ACTN3: variants seen among roughly 807,000 people sequenced by gnomAD.
ACTN3 encodes alpha-actinin-3.
Under a neutral mutation model 119.6 loss-of-function variants are expected in ACTN3, and 91 were observed. The observed-to-expected ratio is 0.76, with a 90% confidence interval of 0.64 to 0.91. ACTN3 has a LOEUF of 0.91. Among genes scored for constraint, ACTN3 ranks in the 40% least tolerant of loss-of-function variants. The pLI is 0.00. For missense variants in ACTN3, 1,221 were observed against 1,215.1 expected (o/e 1.00, Z -0.07); for synonymous variants, 456 against 478.8 (o/e 0.95, Z 0.62).
Position 66,561,262 on chromosome 11 carries a change from G to T in ACTN3, c.1896G>T (p.Leu632=). 6.3e-7 allele frequency: 1 copy of T among 1,599,612 alleles called. No homozygotes were observed. Among genetic ancestry groups the T allele is most frequent in the Non-Finnish European group, 8.5e-7 (1 of 1,174,294 alleles). Residue 632 remains leucine, a synonymous_variant, in exon 16 of 21, where the codon CTG becomes CTT. Coordinates refer to ENST00000513398, the MANE Select transcript of ACTN3 (RefSeq NM_001104.4). The part of the protein sequence containing the change: ...RKLVPSCDQT[L]QEELARQQVN... ...TGGTGCCCAGCTGTGACCAGACACT[G>T]CAGGAGGAGCTGGCACGGCAGCAGG...
chr11:66,556,089 T>C (rs950747758), intron 7 of ACTN3, 56 bp from the exon 8 acceptor site: 1 of 1,508,734 alleles, frequency 6.6e-7, no homozygotes, highest in African/African-American at 1.4e-5. Context: ...GAGAGTTCTC[T>C]GCCTGGGGAG....
At chr11:66,552,874 TCTCTCTCACACACACA>T (rs1475669095) in intron 3 of ACTN3, among the ~76,000 whole-genome samples, 73 of 74,620 alleles carry the variant, frequency 9.8e-4, no homozygotes, top group African/African-American at 4.7e-3. Flanking sequence ...TCTCTCTCTC[TCTCTCTCACACACACA>T]CACACACACA....
rs1187821830 is a variant in ACTN3 at position 66,560,973 on chromosome 11, G to A, written c.1860+218G>A. Among the ~76,000 whole-genome samples the A allele has an allele frequency of 2.6e-5, 4 of 152,302 alleles. No individual in the cohort carries two copies. The East Asian group carries it at 5.8e-4, about 22-fold the overall frequency. ...ATTCTCCTGTCAGGACTGATGTGAAGTAGAATTAAGCCTTGTGTGTGGACA... is the reference window on the plus strand; with the variant it reads ...ATTCTCCTGTCAGGACTGATGTGAAATAGAATTAAGCCTTGTGTGTGGACA... On this transcript the variant is annotated intron_variant, in intron 15 of 20. Coordinates refer to ENST00000513398, the MANE Select transcript of ACTN3 (RefSeq NM_001104.4).
upstream of ACTN3, chr11:66,546,521 G>C: frequency 6.5e-7 from 1 of 1,535,338 alleles, no homozygotes; most frequent in Non-Finnish European, 8.7e-7. Context: ...ATGGGGATAG[G>C]GCTCTGTGTC....
rs1427136891 is a variant in ACTN3, at chr11:66,551,324, A to G, written c.233A>G (p.Lys78Arg). 1.2e-6 allele frequency: 2 copies of G among 1,610,486 alleles called. No individual in the cohort carries two copies. The highest frequency in any genetic ancestry group is 1.7e-6 in the Non-Finnish European group (2 of 1,178,340). ...NIEEDFRNGLKLMLLLEVISG... is the reference protein window; with the variant it reads ...NIEEDFRNGLRLMLLLEVISG... Reference sequence around the variant, plus strand: ...GAGGAAGATTTCCGCAATGGCCTCAAACTCATGCTGCTCCTGGAGGTCATT... The same window carrying G: ...GAGGAAGATTTCCGCAATGGCCTCAGACTCATGCTGCTCCTGGAGGTCATT... The change falls in exon 2 of 21, where the codon AAA (lysine) becomes AGA (arginine). Residue 78 changes from lysine to arginine, a missense_variant. Physicochemically the swap from Lys to Arg is conservative, Grantham distance 26. Around this residue, in one of 3 missense-constraint regions of ACTN3, gnomAD observed 239 missense variants for 231.8 expected, o/e 1.03. Transcript: ENST00000513398.
chr11:66,550,243 G>A (rs1449232811), intron 1 of ACTN3, among the ~76,000 whole-genome samples: 2 of 152,188 alleles, frequency 1.3e-5, no homozygotes, highest in Non-Finnish European at 2.9e-5. Context: ...GAGCATGAGT[G>A]GCTCAGTTGG....
In ACTN3 at chr11:66,554,277, C is replaced by G. The variant is rs71457728; in HGVS notation, c.469+146C>G. ...TGGACAACATGGTGAAACCCCATCT[C>G]TACAAAAAATACCAAAAAAAAAAAA... On this transcript the variant is annotated intron_variant, in intron 4 of 20. Transcript: ENST00000513398. 196 of 285,692 alleles carry G rather than the reference C, an allele frequency of 6.9e-4. 2 individuals carry two copies. The African/African-American group carries it at 7.0e-3, about 10-fold the overall frequency. 17.7% of individuals were successfully genotyped at this position (285,692 alleles called of 1,614,324 possible).
rs771790025 is a variant in ACTN3 at position 66,562,848 on chromosome 11, G to A, written c.2441G>A (p.Gly814Glu). The change falls in exon 20 of 21, where the codon GGG becomes GAG. Residue 814 changes from glycine to glutamate, a missense_variant. Coordinates refer to ENST00000513398, the MANE Select transcript of ACTN3 (RefSeq NM_001104.4). ...IMTMVDPNAA[G>E]VVTFQAFIDF... ...ACCATGGTGGACCCCAACGCAGCTG[G>A]GGTGGTGACCTTCCAGGCCTTCATA... is the stretch of plus-strand genomic sequence containing the variant. The A allele has an allele frequency of 6.8e-6, 11 of 1,613,714 alleles. No homozygotes were observed. Among genetic ancestry groups the A allele is most frequent in the South Asian group, 1.1e-5 (1 of 91,084 alleles).
Position 66,563,195 on chromosome 11 carries a change from C to T in ACTN3, c.*2C>T. 1 of 1,596,264 alleles carries T rather than the reference C, an allele frequency of 6.3e-7. No individual in the cohort carries two copies. The highest frequency in any genetic ancestry group is 8.6e-7 in the Non-Finnish European group (1 of 1,169,322). On this transcript the variant is annotated 3_prime_UTR_variant, in exon 21 of 21. Transcript: ENST00000513398. ...CTCTATGGGGAGAGCGACCTTTGAC[C>T]CCAACCACTGAGGTTCTCTATGCAA... is the stretch of plus-strand genomic sequence containing the variant.
At position 66,563,053 on chromosome 11, in the gene ACTN3, G is replaced by T. The variant is rs116281147; in HGVS notation, c.2566G>T (p.Glu856Ter). The T allele has an allele frequency of 1.2e-3, 1,998 of 1,612,356 alleles. 29 individuals are homozygous for T. The African/African-American group carries it at 0.022, about 18-fold the overall frequency. The change falls in exon 21 of 21, where the codon GAG (glutamate) becomes TAG (stop). Residue 856 changes from glutamate to a stop codon, truncating the protein, a stop_gained. Transcript: ENST00000513398. LOFTEE classifies it high-confidence loss of function. ...AGDKNYITPE[E>*]LRRELPAKQA... ...TCCCCAGAACTACATCACCCCCGAG[G>T]AGCTGCGGCGCGAGCTCCCTGCCAA...
rs752342471 is a variant in ACTN3 at position 66,562,134 on chromosome 11, A to G, written c.2288A>G (p.Asn763Ser). 2.5e-6 allele frequency: 4 copies of G among 1,614,056 alleles called. No homozygotes were observed. The highest frequency in any genetic ancestry group is 1.7e-6 in the Non-Finnish European group (2 of 1,179,960). ...DAKGLSQEQL[N>S]EFRASFNHFD... ...AAGGGACTGAGCCAGGAGCAGCTCA[A>G]CGAGTTCCGAGCATCCTTCAACCAC... is the stretch of plus-strand genomic sequence containing the variant. The change falls in exon 18 of 21, where the codon AAC becomes AGC. Residue 763 changes from asparagine to serine, a missense_variant. Transcript: ENST00000513398.
chr11:66,561,842 CAA>C (rs762819193), intron 17 of ACTN3, among the ~76,000 whole-genome samples, 178 bp from the exon 18 acceptor site: 3 of 130,604 alleles, frequency 2.3e-5, no homozygotes, highest in African/African-American at 5.7e-5. Context: ...AGCTGGTTAT[CAA>C]AAGACAGGAA....
intron 1 of ACTN3, among the ~76,000 whole-genome samples, chr11:66,548,293 A>G (rs1053831558): frequency 1.3e-4 from 20 of 151,820 alleles, no homozygotes; most frequent in Admixed American, 9.2e-4. Flanking sequence ...AGGTTTGGCA[A>G]TTTCCCGGTG....
chr11:66,547,908 T>C (rs997568268), intron 1 of ACTN3, among the ~76,000 whole-genome samples: 6 of 152,220 alleles, frequency 3.9e-5, no homozygotes, highest in Admixed American at 2.6e-4. Context: ...TGAGCTATTT[T>C]CACTCCCAGA....
chr11:66,551,645 A>G lies in ACTN3; in HGVS notation c.380A>G (p.Glu127Gly). The G allele has an allele frequency of 8.7e-6, 14 of 1,613,478 alleles. No individual in the cohort carries two copies. Among genetic ancestry groups the G allele is most frequent in the Non-Finnish European group, 1.2e-5 (14 of 1,179,998 alleles). The change falls in exon 3 of 21, where the codon GAA (glutamate) becomes GGA (glycine). Residue 127 changes from glutamate to glycine, a missense_variant and splice_region_variant. By Grantham distance (98) the Glu-to-Gly change is moderately conservative. This residue lies in a region of ACTN3 where 239 missense variants were observed against 231.8 expected (regional missense o/e 1.03). Transcript: ENST00000513398. The stretch of plus-strand genomic sequence containing the variant: ...GTTAAACTGGTGTCCATTGGTGCTG[A>G]AGGTGAGGAGGTGGCAGGAAGGGTC... ...KGVKLVSIGA[E>G]EIVDGNLKMT...
Position 66,558,044 on chromosome 11 carries a change from G to A in ACTN3, c.1146G>A (p.Trp382Ter), listed in dbSNP as rs533701712. 3.1e-6 allele frequency: 5 copies of A among 1,613,906 alleles called. No homozygotes were observed. In the East Asian group the frequency reaches 6.7e-5, roughly 22 times the overall value. ...CTCCACAGGACATCGCCAACGCCTG[G>A]CGGGGGCTGGAGCAGGTGGAAAAGG... Reference protein sequence around the residue: ...GKLVSDIANAWRGLEQVEKGY... With the variant: ...GKLVSDIANA The change falls in exon 11 of 21, where the codon TGG (tryptophan) becomes TGA (stop). Residue 382 changes from tryptophan to a stop codon, truncating the protein, a stop_gained. Coordinates refer to ENST00000513398, the MANE Select transcript of ACTN3 (RefSeq NM_001104.4). LOFTEE classifies it high-confidence loss of function.
In ACTN3 at chr11:66,547,030, G is replaced by A; in HGVS notation, c.93G>A (p.Glu31=). 1 of 1,516,184 alleles carries A rather than the reference G, an allele frequency of 6.6e-7. No homozygotes were observed. Among genetic ancestry groups the A allele is most frequent in the East Asian group, 2.3e-5 (1 of 43,834 alleles). The allele number at this position is 1,516,184 out of a possible 1,614,324, so 93.9% of individuals were successfully genotyped here. A position where few individuals can be genotyped will look rare whatever the true frequency, so the allele number is the denominator to read the frequency against. The change falls in exon 1 of 21, where the codon GAG becomes GAA. Residue 31 remains glutamate, a synonymous_variant. Coordinates refer to ENST00000513398, the MANE Select transcript of ACTN3 (RefSeq NM_001104.4). ...GCGGCGAGTACATGGAACAGGAGGAGGACTGGGACCGCGACCTGCTGCTGG... is the reference window on the plus strand; with the variant it reads ...GCGGCGAGTACATGGAACAGGAGGAAGACTGGGACCGCGACCTGCTGCTGG... ...GGGGEYMEQE[E]DWDRDLLLDP...
rs182292961 is a variant in ACTN3, at chr11:66,562,547, A to T, written c.2388+225A>T. ...TTTACCTGTAGGGAAACAGCACTAC[A>T]GAAACGGGTGTGGCCCTGGAAAAAA... On this transcript the variant is annotated intron_variant, in intron 19 of 20. Coordinates refer to ENST00000513398, the MANE Select transcript of ACTN3 (RefSeq NM_001104.4). 3.3e-5 allele frequency among the ~76,000 whole-genome samples: 5 copies of T among 152,264 alleles called. No individual in the cohort carries two copies. In the South Asian group the frequency reaches 6.2e-4, roughly 19 times the overall value.
Position 66,562,816 on chromosome 11 carries a change from C to A in ACTN3, c.2409C>A (p.Arg803=). The A allele has an allele frequency of 6.2e-7, 1 of 1,611,958 alleles. No homozygotes were observed. Among genetic ancestry groups the A allele is most frequent in the Non-Finnish European group, 8.5e-7 (1 of 1,178,776 alleles). The change falls in exon 20 of 21, where the codon CGC becomes CGA. Residue 803 remains arginine (R), a synonymous_variant. Coordinates refer to ENST00000513398, the MANE Select transcript of ACTN3 (RefSeq NM_001104.4). ...TGCAGGGGGAAGTGGAGTTTGCTCGCATCATGACCATGGTGGACCCCAACG... is the reference window on the plus strand; with the variant it reads ...TGCAGGGGGAAGTGGAGTTTGCTCGAATCATGACCATGGTGGACCCCAACG... The part of the protein sequence containing the change: ...GYDLGEVEFA[R]IMTMVDPNAA...
Sources: gnomAD v4.1 joint callset for allele counts (sites outside exome capture counted in the v4.1 genomes callset) on GRCh38, gnomAD v4.1.1 for gene constraint, gnomAD v4.1.1 regional missense constraint, MANE v1.5 for transcripts, NCBI Gene and HGNC (gene_info 2026-07-23, HGNC 2026-07-21) for gene names.